The following STIM1 variants were observed in gnomAD, a reference collection of about 807,000 sequenced individuals.
The protein encoded by STIM1 is stromal interaction molecule 1.
In STIM1, 25 loss-of-function variants were observed where a neutral mutation model predicts 74.7. The ratio of observed to expected loss-of-function variants is 0.33; its 90% CI spans 0.24 to 0.47. The LOEUF (loss-of-function observed/expected upper bound fraction) is 0.47, where lower values mean the gene tolerates loss of function less well. STIM1 is among the 20% of genes least tolerant of loss of function. The probability of loss-of-function intolerance (pLI) is 1.00; values close to 1 mark genes in which losing one functional copy is unlikely to be tolerated. For missense variants in STIM1, 728 were observed against 920.8 expected (o/e 0.79, Z 2.71); for synonymous variants, 328 against 348.8 (o/e 0.94, Z 0.66).
intron 3 of STIM1, among the ~76,000 whole-genome samples, chr11:4,051,568 C>G (rs1024069013): frequency 2.6e-5 from 4 of 151,916 alleles, no homozygotes; most frequent in Non-Finnish European, 5.9e-5. Context: ...GTCTTGAACT[C>G]TTGAGGTCAG....
At chr11:4,047,625 A>G (rs939760160) in intron 3 of STIM1, among the ~76,000 whole-genome samples, 7 of 150,924 alleles carry the variant, frequency 4.6e-5, no homozygotes, top group Admixed American at 6.6e-5. Context: ...CAAACAAAAC[A>G]AAACAAAACA....
At chr11:3,939,084 T>C (rs1244379060) in intron 1 of STIM1, among the ~76,000 whole-genome samples, 1 of 152,240 alleles carries the variant, frequency 6.6e-6, no homozygotes, top group Non-Finnish European at 1.5e-5. Context: ...CTGAGCCCTA[T>C]ATAAAATATT....
At chr11:4,058,339 T>G (rs764211774) in intron 4 of STIM1, among the ~76,000 whole-genome samples, 4 of 152,186 alleles carry the variant, frequency 2.6e-5, no homozygotes, top group Non-Finnish European at 5.9e-5. Context: ...CTCTTACTGG[T>G]GGGCTTGATT....
At position 4,091,296 on chromosome 11, in the gene STIM1, C is replaced by A. The variant is rs1590703131; in HGVS notation, c.1649C>A (p.Ser550Tyr). 6 of 1,614,108 alleles carry A rather than the reference C, an allele frequency of 3.7e-6. No homozygotes were observed. In the South Asian group the frequency reaches 6.6e-5, roughly 18 times the overall value. The change falls in exon 13 of 13, where the codon TCC becomes TAC. Residue 550 changes from serine to tyrosine, a missense_variant. Ser to Tyr is a moderately radical substitution (Grantham distance 144). Around this residue, in one of 5 missense-constraint regions of STIM1, gnomAD observed 352 missense variants for 370.1 expected, o/e 0.95. Coordinates refer to ENST00000526596, the MANE Select transcript of STIM1 (RefSeq NM_001382567.1). ...GLGSQRDLTH[S>Y]DSESSLHMSD... is the part of the protein sequence containing the mutation. ...ATGTCTTGCAGGGATTTGACCCATT[C>A]CGATTCGGAGTCCTCCCTCCACATG... is the stretch of plus-strand genomic sequence containing the variant.
At chr11:3,886,967 C>T (rs1326163266) in intron 1 of STIM1, among the ~76,000 whole-genome samples, 2 of 151,662 alleles carry the variant, frequency 1.3e-5, no homozygotes, top group Non-Finnish European at 2.9e-5. Flanking sequence ...CGCACCACTG[C>T]ACTCCAGCCT....
intron 2 of STIM1, among the ~76,000 whole-genome samples, chr11:3,987,600 G>A (rs2093568989): frequency 6.6e-6 from 1 of 152,160 alleles, no homozygotes; most frequent in Non-Finnish European, 1.5e-5. Flanking sequence ...TCACCTAGAT[G>A]CTTTCAATAT....
At chr11:3,856,698 C>T (rs1487100185) in intron 1 of STIM1, among the ~76,000 whole-genome samples, 1 of 152,204 alleles carries the variant, frequency 6.6e-6, no homozygotes, top group East Asian at 1.9e-4. Context: ...CAAGGAAAGA[C>T]CCCATCTTAG....
chr11:3,947,493 T>C (rs1177346973), intron 1 of STIM1: 1 of 152,172 alleles, frequency 6.6e-6, no homozygotes, highest in Non-Finnish European at 1.5e-5. Context: ...TGAATATATG[T>C]CTCTTGTTTA....
chr11:4,030,699 T>C (rs897116468), intron 3 of STIM1, among the ~76,000 whole-genome samples: 1 of 152,216 alleles, frequency 6.6e-6, no homozygotes, highest in Non-Finnish European at 1.5e-5. Context: ...CTAGCATCCA[T>C]GTAGTGATTT....
intron 1 of STIM1, among the ~76,000 whole-genome samples, chr11:3,893,553 A>C (rs2091960228): frequency 6.6e-6 from 1 of 152,228 alleles, no homozygotes; most frequent in African/African-American, 2.4e-5. Context: ...AGCCTGGTGC[A>C]TGAATATCTA....
chr11:3,872,522 T>A lies in STIM1; in HGVS notation c.139+16113T>A, dbSNP rs2135274254. Among the ~76,000 whole-genome samples the A allele has an allele frequency of 2.1e-5, 3 of 139,800 alleles. No individual in the cohort carries two copies. The Middle Eastern group carries it at 0.013, about 587-fold the overall frequency. The allele number at this position is 139,800 out of a possible 152,430, so 91.7% of individuals were successfully genotyped here. On this transcript the variant is annotated intron_variant, in intron 1 of 12. Transcript: ENST00000526596. ...TCTCTTTGCCTCCATTTTCTTTTTT[T>A]CTTTTTTTTTTTTTTTTGAGATGGA...
At chr11:3,878,614 T>A (rs2091384324) in intron 1 of STIM1, among the ~76,000 whole-genome samples, 1 of 152,220 alleles carries the variant, frequency 6.6e-6, no homozygotes, top group African/African-American at 2.4e-5. Flanking sequence ...ACAGAATGTG[T>A]TCCCTTGATG....
intron 2 of STIM1, among the ~76,000 whole-genome samples, chr11:3,981,082 C>G (rs12576774): frequency 0.029 from 4,344 of 152,120 alleles, 183 homozygotes; most frequent in East Asian, 0.2. Flanking sequence ...ACTGCAACCT[C>G]TGCCTCCCAG....
intron 2 of STIM1, among the ~76,000 whole-genome samples, chr11:4,011,964 C>T (rs1346087111): frequency 6.6e-6 from 1 of 152,192 alleles, no homozygotes; most frequent in African/African-American, 2.4e-5. Flanking sequence ...TTCCCAGCAC[C>T]ATTTATTAAA....
Position 4,091,803 on chromosome 11 carries a change from G to A in STIM1, c.*5G>A, listed in dbSNP as rs1016680693. On this transcript the variant is annotated 3_prime_UTR_variant, in exon 13 of 13. Coordinates refer to ENST00000526596, the MANE Select transcript of STIM1 (RefSeq NM_001382567.1). ...AAGAAGCCTCTTAAGAAGTAGGCAGGATGGGGTGGCAGTAAAGGGACAGCT... is the reference window on the plus strand; with the variant it reads ...AAGAAGCCTCTTAAGAAGTAGGCAGAATGGGGTGGCAGTAAAGGGACAGCT... 4 of 1,601,852 alleles carry A rather than the reference G, an allele frequency of 2.5e-6. No homozygotes were observed. Among genetic ancestry groups the A allele is most frequent in the Non-Finnish European group, 1.7e-6 (2 of 1,179,968 alleles).
chr11:4,055,899 G>A lies in STIM1; in HGVS notation c.497+262G>A, dbSNP rs576319757. Among the ~76,000 whole-genome samples, 4 of 152,272 alleles carry A rather than the reference G, an allele frequency of 2.6e-5. No homozygotes were observed. The East Asian group carries it at 7.7e-4, about 29-fold the overall frequency. ...TTTACTGAGTGCTTAGTACATGCCA[G>A]GCATTCTACTCAACACTGTATACAG... On this transcript the variant is annotated intron_variant, in intron 4 of 12. Transcript: ENST00000526596.
chr11:4,061,179 C>T (rs2094328119), intron 5 of STIM1, among the ~76,000 whole-genome samples: 1 of 152,148 alleles, frequency 6.6e-6, no homozygotes, highest in Non-Finnish European at 1.5e-5. Flanking sequence ...CAGGTTAAAG[C>T]AGTCAAGGAT....
intron 1 of STIM1, among the ~76,000 whole-genome samples, chr11:3,905,668 C>T (rs865883091): frequency 1.8e-4 from 27 of 152,120 alleles, no homozygotes; most frequent in South Asian, 2.1e-4. Context: ...ACCACAGTTC[C>T]CAGAAGTGAG....
At chr11:4,062,481 G>C (rs542858015) in intron 5 of STIM1, among the ~76,000 whole-genome samples, 77 of 152,290 alleles carry the variant, frequency 5.1e-4, no homozygotes, top group African/African-American at 1.8e-3. Context: ...AATTAGCCGG[G>C]TGTGGTGGCA....
Sources: allele counts gnomAD v4.1 joint callset (sites outside exome capture counted in the v4.1 genomes callset), GRCh38; gene constraint gnomAD v4.1.1; regional missense constraint gnomAD v4.1.1; transcripts MANE v1.5; gene names NCBI Gene and HGNC (gene_info 2026-07-23, HGNC 2026-07-21).